The following CNTNAP3 variants were observed in gnomAD, a reference collection of about 807,000 sequenced individuals.
The protein encoded by CNTNAP3 is contactin-associated protein-like 3.
CNTNAP3 carries 36 observed loss-of-function variants against 92.1 expected under a neutral mutation model. The ratio of observed to expected loss-of-function variants is 0.39; its 90% CI spans 0.30 to 0.52. The LOEUF (loss-of-function observed/expected upper bound fraction) is 0.52, where lower values mean the gene tolerates loss of function less well. Ranked by LOEUF, CNTNAP3 falls within the 20% of genes least tolerant of loss-of-function variation. The probability of loss-of-function intolerance (pLI) is 0.76; values close to 1 mark genes in which losing one functional copy is unlikely to be tolerated. For missense variants in CNTNAP3, 534 were observed against 1,069.6 expected (o/e 0.50, Z 6.98); for synonymous variants, 232 against 422.3 (o/e 0.55, Z 5.53).
intron 18 of CNTNAP3, among the ~76,000 whole-genome samples, chr9:39,089,796 C>G (rs1826149167): frequency 6.6e-6 from 1 of 152,100 alleles, no homozygotes; most frequent in South Asian, 2.1e-4. Flanking sequence ...ACTTTGATTG[C>G]CTACTGGCTA....
chr9:39,097,045 TA>T (rs1219032597), intron 18 of CNTNAP3, among the ~76,000 whole-genome samples: 2 of 152,152 alleles, frequency 1.3e-5, no homozygotes, highest in African/African-American at 2.4e-5. Context: ...TCTGATGATC[TA>T]TTTTTTTCAT....
At position 39,149,927 on chromosome 9, in the gene CNTNAP3, A is replaced by G. The variant is rs369405880; in HGVS notation, c.1528T>C (p.Phe510Leu). The G allele has an allele frequency of 6.2e-7, 1 of 1,611,212 alleles. No individual in the cohort carries two copies. The highest frequency in any genetic ancestry group is 8.5e-7 in the Non-Finnish European group (1 of 1,179,646). Reference protein sequence around the residue: ...GSGCKSPLGGFQGCLRLITIG... With the variant: ...GSGCKSPLGGLQGCLRLITIG... ...GTGATGAGCCTTAGGCAGCCCTGAAACCCTCCCAGGGGGCTTTTACATCCA... is the reference window on the plus strand; with the variant it reads ...GTGATGAGCCTTAGGCAGCCCTGAAGCCCTCCCAGGGGGCTTTTACATCCA... Residue 510 changes from phenylalanine (F) to leucine (L), a missense_variant, in exon 10 of 24, where the codon TTT becomes CTT. Transcript: ENST00000297668.
chr9:39,095,439 T>G (rs1229887746), intron 18 of CNTNAP3, among the ~76,000 whole-genome samples: 1 of 151,216 alleles, frequency 6.6e-6, no homozygotes, highest in Non-Finnish European at 1.5e-5. Flanking sequence ...AGTATGATGT[T>G]AATTGCAGGT....
At chr9:39,129,675 T>A (rs1033721424) in intron 13 of CNTNAP3, among the ~76,000 whole-genome samples, 12 of 152,262 alleles carry the variant, frequency 7.9e-5, no homozygotes, top group African/African-American at 2.6e-4. Flanking sequence ...AAAATTCCAG[T>A]TAAGAGTCGA....
At chr9:39,116,735 A>G (rs1820867362) in intron 14 of CNTNAP3, among the ~76,000 whole-genome samples, 4 of 152,116 alleles carry the variant, frequency 2.6e-5, no homozygotes, top group Admixed American at 2.6e-4. Context: ...GAGGAAGATT[A>G]AAAATAATAT....
intron 12 of CNTNAP3, among the ~76,000 whole-genome samples, chr9:39,136,978 C>T (rs1256607119): frequency 6.6e-6 from 1 of 151,976 alleles, no homozygotes; most frequent in Non-Finnish European, 1.5e-5. Flanking sequence ...GGGCATTTCT[C>T]CTTCTTTGGT....
chr9:39,133,563 G>A (rs1001178148), intron 12 of CNTNAP3, among the ~76,000 whole-genome samples: 3 of 151,878 alleles, frequency 2.0e-5, no homozygotes, highest in Middle Eastern at 3.4e-3. Flanking sequence ...ACGATGTGAC[G>A]CACATACTCA....
chr9:39,112,038 T>C (rs1027445040), intron 14 of CNTNAP3, among the ~76,000 whole-genome samples: 3 of 131,496 alleles, frequency 2.3e-5, no homozygotes. Context: ...GACATCTCAT[T>C]TTTCTTTTCT....
At chr9:39,125,759 G>C (rs142884368) in intron 13 of CNTNAP3, among the ~76,000 whole-genome samples, 2,677 of 152,094 alleles carry the variant, frequency 0.018, 73 homozygotes, top group African/African-American at 0.061. Context: ...AATAATAAAG[G>C]GGTCAATATA....
intron 13 of CNTNAP3, among the ~76,000 whole-genome samples, chr9:39,131,980 A>C (rs528171660): frequency 6.6e-6 from 1 of 151,994 alleles, no homozygotes; most frequent in South Asian, 2.1e-4. Context: ...AAAATTAAAG[A>C]GTGAAATTTA....
intron 10 of CNTNAP3, among the ~76,000 whole-genome samples, chr9:39,146,439 C>T (rs1427250116): frequency 6.6e-6 from 1 of 152,180 alleles, no homozygotes; most frequent in South Asian, 2.1e-4. Flanking sequence ...CCTGTAATCC[C>T]AGCACTTTGG....
chr9:39,144,265 G>A lies in CNTNAP3; in HGVS notation c.1731C>T (p.Gly577=). The part of the protein sequence containing the change: ...DTFSCDCLGT[G]YTGETCHSSL... ...AGGAATGGCAGGTCTCGCCCGTATA[G>A]CCTGTGCCTAGACAGTCACAGGAGA... is the stretch of plus-strand genomic sequence containing the variant. Residue 577 remains glycine (G), a synonymous_variant, in exon 11 of 24, where the codon GGC becomes GGT. Coordinates refer to ENST00000297668, the MANE Select transcript of CNTNAP3 (RefSeq NM_033655.5). 24 of 1,588,974 alleles carry A rather than the reference G, an allele frequency of 1.5e-5. No homozygotes were observed. The highest frequency in any genetic ancestry group is 2.0e-5 in the Non-Finnish European group (23 of 1,168,302).
chr9:39,098,407 T>C (rs1301046217), intron 18 of CNTNAP3, among the ~76,000 whole-genome samples: 2 of 152,004 alleles, frequency 1.3e-5, no homozygotes, highest in Non-Finnish European at 2.9e-5. Flanking sequence ...ATAAAGAATT[T>C]ACTGAAAATC....
intron 3 of CNTNAP3, among the ~76,000 whole-genome samples, chr9:39,218,592 T>C (rs1161947900): frequency 2.1e-4 from 1 of 4,726 alleles, no homozygotes; most frequent in Non-Finnish European, 0.028. Flanking sequence ...CCACCACACC[T>C]GGCTAATTTT....
rs1035630703 is a variant in CNTNAP3, at chr9:39,159,326, G to T, written c.1477+6607C>A. Reference sequence around the variant, plus strand: ...GTGTTGGCTATTTTGACTTTCTGTTGAAACTATTCTCTTTGGTCATATATA... The same window carrying T: ...GTGTTGGCTATTTTGACTTTCTGTTTAAACTATTCTCTTTGGTCATATATA... On this transcript the variant is annotated intron_variant, in intron 9 of 23. Transcript: ENST00000297668. 1.2e-4 allele frequency: 17 copies of T among 140,846 alleles called. 1 individual carries two copies. The highest frequency in any genetic ancestry group is 2.5e-4 in the Non-Finnish European group (16 of 64,014). The allele number at this position is 140,846 out of a possible 1,614,324, so 8.7% of individuals were successfully genotyped here. A position where few individuals can be genotyped will look rare whatever the true frequency, so the allele number is the denominator to read the frequency against.
intron 18 of CNTNAP3, among the ~76,000 whole-genome samples, chr9:39,099,445 C>A (rs1402697099): frequency 1.3e-5 from 2 of 152,112 alleles, no homozygotes; most frequent in South Asian, 2.1e-4. Flanking sequence ...CTATAAAGGC[C>A]TTTTGAATCA....
intron 21 of CNTNAP3, 117 bp downstream of exon 21, chr9:39,085,619 G>A: frequency 1.2e-6 from 1 of 837,360 alleles, no homozygotes; most frequent in Non-Finnish European, 1.9e-6. Flanking sequence ...CACCTTGATT[G>A]TCACTCACTG....
Position 39,146,714 on chromosome 9 carries a change from A to C in CNTNAP3, c.1650-2368T>G, listed in dbSNP as rs550227058. Among the ~76,000 whole-genome samples, 7 of 151,994 alleles carry C rather than the reference A, an allele frequency of 4.6e-5. No homozygotes were observed. In the East Asian group the frequency reaches 1.4e-3, roughly 29 times the overall value. ...AAAAAAACAAACAAGCAAACAAACAAACACCTATCCAAACATAAACATCCA... is the reference window on the plus strand; with the variant it reads ...AAAAAAACAAACAAGCAAACAAACACACACCTATCCAAACATAAACATCCA... On this transcript the variant is annotated intron_variant, in intron 10 of 23. Coordinates refer to ENST00000297668, the MANE Select transcript of CNTNAP3 (RefSeq NM_033655.5).
rs1587706239 is a variant in CNTNAP3 at position 39,099,718 on chromosome 9, G to C, written c.2995+193C>G. On this transcript the variant is annotated intron_variant, in intron 18 of 23. Coordinates refer to ENST00000297668, the MANE Select transcript of CNTNAP3 (RefSeq NM_033655.5). ...ATCTTCTAAATAAGAAACCCAGAGA[G>C]GACTGATAGCCTTAAGTTTTCAAAA... The C allele has an allele frequency of 8.0e-6, 6 of 752,926 alleles. No individual in the cohort carries two copies. In the East Asian group the frequency reaches 1.4e-4, roughly 17 times the overall value. 46.6% of individuals were successfully genotyped at this position (752,926 alleles called of 1,614,324 possible).
Sources: allele counts gnomAD v4.1 joint callset (sites outside exome capture counted in the v4.1 genomes callset), GRCh38; gene constraint gnomAD v4.1.1; transcripts MANE v1.5; gene names NCBI Gene and HGNC (gene_info 2026-07-23, HGNC 2026-07-21).